Variants in PLCG1 observed in about 807,000 individuals in gnomAD.
PLCG1 encodes 1-phosphatidylinositol 4,5-bisphosphate phosphodiesterase gamma-1.
In PLCG1, 71 loss-of-function variants were observed where a neutral mutation model predicts 177.8. That is an observed-to-expected ratio of 0.40 (90% confidence interval 0.33 to 0.49). The LOEUF is 0.49. PLCG1 is among the 20% of genes least tolerant of loss of function. The pLI is 0.72. For missense variants in PLCG1, 1,281 were observed against 1,709.0 expected (o/e 0.75, Z 4.42); for synonymous variants, 658 against 647.9 (o/e 1.02, Z -0.24).
chr20:41,138,276 G>C (rs1485882646), intron 1 of PLCG1, among the ~76,000 whole-genome samples: 6 of 152,208 alleles, frequency 3.9e-5, no homozygotes, highest in Admixed American at 3.9e-4. Flanking sequence ...TATCCAGAAA[G>C]AGCAGTCTGT....
rs1600639026 is a variant in PLCG1, at chr20:41,148,564, T to C, written c.217+10706T>C. On this transcript the variant is annotated intron_variant, in intron 1 of 31. Coordinates refer to ENST00000685551, the MANE Select transcript of PLCG1 (RefSeq NM_002660.3). This position sits in a 1 kb window ranked among gnomAD's most constrained non-coding sequence, Gnocchi z 4.3. ...ATCTAGTGAGCAGGAACAGGTTATA[T>C]AGCAGTGATGCTTTCATAGTATTTT... Among the ~76,000 whole-genome samples, 1 of 152,158 alleles carries C rather than the reference T, an allele frequency of 6.6e-6. No individual in the cohort carries two copies. Among genetic ancestry groups the C allele is most frequent in the East Asian group, 1.9e-4 (1 of 5,190 alleles).
At chr20:41,152,522 C>A (rs540207799) in intron 1 of PLCG1, among the ~76,000 whole-genome samples, 1 of 152,362 alleles carries the variant, frequency 6.6e-6, no homozygotes, top group African/African-American at 2.4e-5. Flanking sequence ...CTGTGGCCCA[C>A]TGTGCCACCT....
chr20:41,173,523 C>CA lies in PLCG1; in HGVS notation c.3384dup (p.Glu1129ArgfsTer23). 6.2e-7 allele frequency: 1 copy of CA among 1,613,738 alleles called. No homozygotes were observed. The highest frequency in any genetic ancestry group is 1.1e-5 in the South Asian group (1 of 91,032). The stretch of plus-strand genomic sequence containing the variant: ...GAGTATGACAGCACCAAGCAGAAGA[C>CA]AGAGTTTGTGGGTCAGTCTGTCTTC... On this transcript the variant is annotated frameshift_variant, in exon 28 of 32. Transcript: ENST00000685551. LOFTEE classifies it high-confidence loss of function. This position sits in a 1 kb window ranked among gnomAD's most constrained non-coding sequence, Gnocchi z 6.2.
rs1405176100 is a variant in PLCG1 at position 41,173,997 on chromosome 20, A to G, written c.3631A>G (p.Ile1211Val). 1.2e-6 allele frequency: 2 copies of G among 1,613,940 alleles called. No individual in the cohort carries two copies. The highest frequency in any genetic ancestry group is 1.1e-5 in the South Asian group (1 of 91,076). ...GGCCTCCCTGCTGATCAAGATTGAC[A>G]TTTTCCCTGCCAAGGTATCTGCAGC... ...ELASLLIKID[I>V]FPAKQENGDL... Residue 1211 changes from isoleucine to valine, a missense_variant, in exon 30 of 32, where the codon ATT (isoleucine) becomes GTT (valine). This residue lies in a region of PLCG1 where 153 missense variants were observed against 153.2 expected (regional missense o/e 1.00). Coordinates refer to ENST00000685551, the MANE Select transcript of PLCG1 (RefSeq NM_002660.3). This position sits in a 1 kb window ranked among gnomAD's most constrained non-coding sequence, Gnocchi z 6.2.
rs116093156 is a variant in PLCG1, at chr20:41,144,667, A to G, written c.217+6809A>G. On this transcript the variant is annotated intron_variant, in intron 1 of 31. Coordinates refer to ENST00000685551, the MANE Select transcript of PLCG1 (RefSeq NM_002660.3). The surrounding 1 kb of genome is among the most constrained non-coding windows in gnomAD (Gnocchi z 4.1). ...CAAATATCCTGAGAAGGGCTTTTCC[A>G]GGATTCTCTATGACAACTCAAGAGC... Among the ~76,000 whole-genome samples the G allele has an allele frequency of 3.4e-3, 520 of 152,344 alleles. 3 individuals are homozygous for G. The highest frequency in any genetic ancestry group is 0.01 in the African/African-American group (436 of 41,582).
At position 41,165,818 on chromosome 20, in the gene PLCG1, C is replaced by G. The variant is rs555840839; in HGVS notation, c.1791C>G (p.Leu597=). ...ESETFVGDYT[L]SFWRNGKVQH... ...AGACCTTCGTGGGCGACTACACGCT[C>G]TCTTTCTGGTAACACTTCCCATGCA... The change falls in exon 16 of 32, where the codon CTC becomes CTG. Residue 597 remains leucine (L), a synonymous_variant. Transcript: ENST00000685551. The surrounding 1 kb of genome is among the most constrained non-coding windows in gnomAD (Gnocchi z 6.6). 11 of 1,582,492 alleles carry G rather than the reference C, an allele frequency of 7.0e-6. No homozygotes were observed. In the Admixed American group the frequency reaches 8.8e-5, roughly 13 times the overall value.
In PLCG1 at chr20:41,172,686, T is replaced by C. The variant is rs1462508315; in HGVS notation, c.3130+41T>C. 2 of 1,612,720 alleles carry C rather than the reference T, an allele frequency of 1.2e-6. No individual in the cohort carries two copies. Among genetic ancestry groups the C allele is most frequent in the Admixed American group, 1.7e-5 (1 of 60,000 alleles). On this transcript the variant is annotated intron_variant, in intron 26 of 31. Transcript: ENST00000685551. This position sits in a 1 kb window ranked among gnomAD's most constrained non-coding sequence, Gnocchi z 7.0. ...GTGAGGAGGGTGAGGAGGGGCACTG[T>C]GGGGCAGCTGGACTGGAATACACCA...
At position 41,177,296 on chromosome 20, in the gene PLCG1, CAG is replaced by C. The variant is rs1458024701; in HGVS notation, c.*2788_*2789del. 1 of 152,216 alleles carries C rather than the reference CAG, an allele frequency of 6.6e-6. No individual in the cohort carries two copies. Among genetic ancestry groups the C allele is most frequent in the Non-Finnish European group, 1.5e-5 (1 of 68,042 alleles). 9.4% of individuals were successfully genotyped at this position (152,216 alleles called of 1,614,324 possible). A position where few individuals can be genotyped will look rare whatever the true frequency, so the allele number is the denominator to read the frequency against. On this transcript the variant is annotated 3_prime_UTR_variant, in exon 32 of 32. Coordinates refer to ENST00000685551, the MANE Select transcript of PLCG1 (RefSeq NM_002660.3). ...ACATACAAAGTAGAGCCTACAAGGT[CAG>C]GGGCATTCTGCCCCCGCCACAGGAC...
rs2034931015 is a variant in PLCG1, at chr20:41,144,375, A to G, written c.217+6517A>G. Among the ~76,000 whole-genome samples the G allele has an allele frequency of 6.6e-6, 1 of 152,194 alleles. No individual in the cohort carries two copies. The highest frequency in any genetic ancestry group is 6.5e-5 in the Admixed American group (1 of 15,290). On this transcript the variant is annotated intron_variant, in intron 1 of 31. Coordinates refer to ENST00000685551, the MANE Select transcript of PLCG1 (RefSeq NM_002660.3). This position sits in a 1 kb window ranked among gnomAD's most constrained non-coding sequence, Gnocchi z 4.1. ...TTTTGTTTTTCTTCCCTCTGGCCACATGTGTTTGACCAGCCTAGACTTCCA... is the reference window on the plus strand; with the variant it reads ...TTTTGTTTTTCTTCCCTCTGGCCACGTGTGTTTGACCAGCCTAGACTTCCA...
intron 23 of PLCG1, chr20:41,169,748 C>T (rs1460034398): frequency 1.7e-5 from 10 of 580,722 alleles, no homozygotes; most frequent in East Asian, 8.5e-5. Context: ...CTGGGGAACC[C>T]GTCAGAATCA....
Position 41,172,838 on chromosome 20 carries a change from C to T in PLCG1, c.3240C>T (p.Ser1080=). The change falls in exon 27 of 32, where the codon AGC becomes AGT. Residue 1080 remains serine (S), a synonymous_variant. Coordinates refer to ENST00000685551, the MANE Select transcript of PLCG1 (RefSeq NM_002660.3). This position sits in a 1 kb window ranked among gnomAD's most constrained non-coding sequence, Gnocchi z 7.0. ...RDEAFDPFDK[S]SLRGLEPCAI... Reference sequence around the variant, plus strand: ...AGGCCTTCGACCCCTTTGACAAGAGCAGCCTCCGCGGGCTGGAGCCATGTG... The same window carrying T: ...AGGCCTTCGACCCCTTTGACAAGAGTAGCCTCCGCGGGCTGGAGCCATGTG... The T allele has an allele frequency of 6.2e-7, 1 of 1,614,170 alleles. No individual in the cohort carries two copies. Among genetic ancestry groups the T allele is most frequent in the Non-Finnish European group, 8.5e-7 (1 of 1,180,042 alleles).
chr20:41,137,880 C>A lies in PLCG1; in HGVS notation c.217+22C>A. 1 of 1,245,086 alleles carries A rather than the reference C, an allele frequency of 8.0e-7. No individual in the cohort carries two copies. The highest frequency in any genetic ancestry group is 3.9e-5 in the South Asian group (1 of 25,874). 77.1% of individuals were successfully genotyped at this position (1,245,086 alleles called of 1,614,324 possible). A position where few individuals can be genotyped will look rare whatever the true frequency, so the allele number is the denominator to read the frequency against. ...GCCAGTAAGTGCGCCCACTTCCTGC[C>A]TGGGCCCGCCCCGCGCGGGGGTCGT... On this transcript the variant is annotated intron_variant, in intron 1 of 31. Coordinates refer to ENST00000685551, the MANE Select transcript of PLCG1 (RefSeq NM_002660.3). This position sits in a 1 kb window ranked among gnomAD's most constrained non-coding sequence, Gnocchi z 7.3.
chr20:41,161,268 C>G (rs980810556), intron 4 of PLCG1, among the ~76,000 whole-genome samples: 1 of 152,114 alleles, frequency 6.6e-6, no homozygotes, highest in Non-Finnish European at 1.5e-5. Context: ...ACCGTTGACC[C>G]TTGGATTTAA....
At position 41,160,371 on chromosome 20, in the gene PLCG1, T is replaced by G. The variant is rs189788339; in HGVS notation, c.512+218T>G. Among the ~76,000 whole-genome samples the G allele has an allele frequency of 1.3e-5, 2 of 152,262 alleles. No homozygotes were observed. Among genetic ancestry groups the G allele is most frequent in the East Asian group, 3.9e-4 (2 of 5,176 alleles). On this transcript the variant is annotated intron_variant, in intron 4 of 31. Coordinates refer to ENST00000685551, the MANE Select transcript of PLCG1 (RefSeq NM_002660.3). This position sits in a 1 kb window ranked among gnomAD's most constrained non-coding sequence, Gnocchi z 5.5. ...TGAGAGGAGCCAGCCACATGCTGTGTGCCCTGCCACTATGGGCAGAGACTG... is the reference window on the plus strand; with the variant it reads ...TGAGAGGAGCCAGCCACATGCTGTGGGCCCTGCCACTATGGGCAGAGACTG...
rs201784689 is a variant in PLCG1, at chr20:41,170,094, C to G, written c.2651-18C>G. The G allele has an allele frequency of 5.6e-6, 9 of 1,595,754 alleles. No individual in the cohort carries two copies. The highest frequency in any genetic ancestry group is 4.3e-6 in the Non-Finnish European group (5 of 1,169,162). The stretch of plus-strand genomic sequence containing the variant: ...TGAGATGTCTATTCCCAGCTGTTAT[C>G]TGCTCTCGCCCTCCCAGCCATCCGT... On this transcript the variant is annotated intron_variant, in intron 23 of 31. Transcript: ENST00000685551.
Position 41,174,388 on chromosome 20 carries a change from G to A in PLCG1, c.3833+77G>A. 6.2e-7 allele frequency: 1 copy of A among 1,602,232 alleles called. No individual in the cohort carries two copies. The highest frequency in any genetic ancestry group is 8.5e-7 in the Non-Finnish European group (1 of 1,170,382). ...CTTCTTCAGTGTTTCTTTCTCCTGG[G>A]TAGAAAAGTTGTAATATTGTCTGGC... On this transcript the variant is annotated intron_variant, in intron 31 of 31. Transcript: ENST00000685551. This position sits in a 1 kb window ranked among gnomAD's most constrained non-coding sequence, Gnocchi z 5.8.
rs755058102 is a variant in PLCG1, at chr20:41,163,361, C to G, written c.790-17C>G. 6.2e-7 allele frequency: 1 copy of G among 1,607,194 alleles called. No homozygotes were observed. The highest frequency in any genetic ancestry group is 8.5e-7 in the Non-Finnish European group (1 of 1,173,896). On this transcript the variant is annotated splice_polypyrimidine_tract_variant and intron_variant, in intron 8 of 31. Coordinates refer to ENST00000685551, the MANE Select transcript of PLCG1 (RefSeq NM_002660.3). This position sits in a 1 kb window ranked among gnomAD's most constrained non-coding sequence, Gnocchi z 5.2. ...ACTGGAGGCTTCTCTCATCCCCTGCCCTCCCTACCCCATCAGGAGCTGTGG... is the reference window on the plus strand; with the variant it reads ...ACTGGAGGCTTCTCTCATCCCCTGCGCTCCCTACCCCATCAGGAGCTGTGG...
chr20:41,142,231 C>G (rs1028727972), intron 1 of PLCG1, among the ~76,000 whole-genome samples: 1 of 152,208 alleles, frequency 6.6e-6, no homozygotes, highest in Admixed American at 6.5e-5. Flanking sequence ...TACTGAGGCA[C>G]CTGTCTGTGC....
chr20:41,148,785 T>C lies in PLCG1; in HGVS notation c.218-10821T>C, dbSNP rs1026986900. 6.6e-6 allele frequency among the ~76,000 whole-genome samples: 1 copy of C among 152,164 alleles called. No individual in the cohort carries two copies. Among genetic ancestry groups the C allele is most frequent in the Admixed American group, 6.5e-5 (1 of 15,284 alleles). On this transcript the variant is annotated intron_variant, in intron 1 of 31. Transcript: ENST00000685551. The surrounding 1 kb of genome is among the most constrained non-coding windows in gnomAD (Gnocchi z 4.3). ...ACCACGAAACCTGGAGTCCTCTCCA[T>C]CCTCCCCTTCTGTCTGTGCTGGCCC...
Sources: allele counts gnomAD v4.1 joint callset (sites outside exome capture counted in the v4.1 genomes callset), GRCh38; gene constraint gnomAD v4.1.1; regional missense constraint gnomAD v4.1.1; non-coding constraint Gnocchi (gnomAD v3.1); transcripts MANE v1.5; gene names NCBI Gene and HGNC (gene_info 2026-07-23, HGNC 2026-07-21).